Variants in TMC1 observed in about 807,000 individuals in gnomAD.
The protein encoded by TMC1 is transmembrane channel-like protein 1.
TMC1 carries 84 observed loss-of-function variants against 105.8 expected under a neutral mutation model. The ratio of observed to expected loss-of-function variants is 0.79; its 90% confidence interval spans 0.67 to 0.95. The LOEUF (loss-of-function observed/expected upper bound fraction) is 0.95. Ranked by LOEUF, TMC1 falls within the 40% of genes least tolerant of loss-of-function variation. The pLI, the probability that TMC1 is intolerant of heterozygous loss-of-function variation, is 0.00. For synonymous variants in TMC1, 315 were observed against 311.5 expected (o/e 1.01, Z -0.12); for missense variants, 817 against 914.1 (o/e 0.89, Z 1.37).
intron 19 of TMC1, 108 bp from the exon 20 acceptor site, chr9:72,820,734 G>T (rs1828854724): frequency 7.2e-7 from 1 of 1,380,300 alleles, no homozygotes; most frequent in Non-Finnish European, 1.0e-6. Flanking sequence ...AAGTGGCAGT[G>T]TATTTTCTGC....
chr9:72,738,879 C>T (rs1827342868), intron 8 of TMC1, among the ~76,000 whole-genome samples: 1 of 152,158 alleles, frequency 6.6e-6, no homozygotes, highest in African/African-American at 2.4e-5. Flanking sequence ...TTATCTGTTT[C>T]TATCATGACA....
rs1824982018 is a variant in TMC1, at chr9:72,609,224, C to T, written c.-305-7144C>T. 2.2e-5 allele frequency among the ~76,000 whole-genome samples: 3 copies of T among 136,636 alleles called. No individual in the cohort carries two copies. In the South Asian group the frequency reaches 6.6e-4, roughly 30 times the overall value. The allele number at this position is 136,636 out of a possible 152,430, so 89.6% of individuals were successfully genotyped here. ...TCCTTCCTTCCTTCCTTCCTTCCTT[C>T]CTTCCTTTTTGCTATTAAAAATTCC... is the stretch of plus-strand genomic sequence containing the variant. On this transcript the variant is annotated intron_variant, in intron 2 of 23. Coordinates refer to ENST00000297784, the MANE Select transcript of TMC1 (RefSeq NM_138691.3).
intron 23 of TMC1, 128 bp downstream of exon 23, chr9:72,830,810 A>T (rs1829031589): frequency 1.2e-6 from 1 of 801,614 alleles, no homozygotes. Flanking sequence ...GTCATTCCAC[A>T]ATCCTTACCT....
At chr9:72,778,403 G>A (rs1299426186) in intron 13 of TMC1, among the ~76,000 whole-genome samples, 2 of 152,132 alleles carry the variant, frequency 1.3e-5, no homozygotes, top group African/African-American at 4.8e-5. Flanking sequence ...TCCTGGCTCC[G>A]AGTGTCTCCT....
At chr9:72,616,037 C>T (rs955390729) in intron 2 of TMC1, among the ~76,000 whole-genome samples, 3 of 152,116 alleles carry the variant, frequency 2.0e-5, no homozygotes, top group Non-Finnish European at 4.4e-5. Context: ...CGTGAGCCAC[C>T]GTGCCCGCTA....
At chr9:72,746,506 G>A in intron 10 of TMC1, among the ~76,000 whole-genome samples, 1 of 152,136 alleles carries the variant, frequency 6.6e-6, no homozygotes, top group East Asian at 1.9e-4. Flanking sequence ...ATTCCCAACA[G>A]CCTTTCTAAT....
intron 1 of TMC1, among the ~76,000 whole-genome samples, chr9:72,546,514 G>C (rs1187308770): frequency 2.0e-5 from 3 of 152,126 alleles, no homozygotes; most frequent in Non-Finnish European, 4.4e-5. Context: ...TTTTGTTATT[G>C]CTGCTGGCTG....
intron 3 of TMC1, among the ~76,000 whole-genome samples, chr9:72,626,080 A>G (rs190434969): frequency 2.0e-5 from 3 of 152,286 alleles, no homozygotes; most frequent in Admixed American, 2.0e-4. Flanking sequence ...TTGGAGTTCA[A>G]GCCCCCAGCT....
intron 7 of TMC1, among the ~76,000 whole-genome samples, chr9:72,699,180 T>C (rs989882344): frequency 1.3e-5 from 2 of 152,142 alleles, no homozygotes; most frequent in Non-Finnish European, 2.9e-5. Context: ...CGATTTAAAA[T>C]TATGTTGCTC....
chr9:72,757,736 C>T (rs1016709167), intron 12 of TMC1, among the ~76,000 whole-genome samples: 8 of 152,120 alleles, frequency 5.3e-5, no homozygotes, highest in Non-Finnish European at 1.0e-4. Flanking sequence ...GGCATCATAT[C>T]GGTGCTCGAA....
At position 72,539,688 on chromosome 9, in the gene TMC1, T is replaced by C. The variant is rs576718483; in HGVS notation, c.-428+17775T>C. On this transcript the variant is annotated intron_variant, in intron 1 of 23. Transcript: ENST00000297784. ...AACTTTCCCTCATCTGCCTGTCTTC[T>C]TCTGAGCCCTCCAGGTTCTTCCAAC... 1.5e-3 allele frequency among the ~76,000 whole-genome samples: 223 copies of C among 152,348 alleles called. 1 individual carries two copies. The highest frequency in any genetic ancestry group is 2.5e-3 in the Non-Finnish European group (168 of 68,026).
intron 7 of TMC1, among the ~76,000 whole-genome samples, chr9:72,699,057 A>G (rs1826598386): frequency 1.3e-5 from 2 of 152,192 alleles, no homozygotes; most frequent in Non-Finnish European, 2.9e-5. Context: ...TACCAGCCCC[A>G]GCACCACAAT....
Position 72,788,470 on chromosome 9 carries a change from C to T in TMC1, c.1016C>T (p.Thr339Ile). ...GCAGACAACAAATTTAATTCTATCA[C>T]AATGAACTTTAAGGTAGAGGCACCA... The part of the protein sequence containing the change: ...ETADNKFNSI[T>I]MNFKEAITEE... Residue 339 changes from threonine (T) to isoleucine (I), a missense_variant, in exon 14 of 24, where the codon ACA (threonine) becomes ATA (isoleucine). By Grantham distance (89) the Thr-to-Ile change is moderately conservative. Coordinates refer to ENST00000297784, the MANE Select transcript of TMC1 (RefSeq NM_138691.3). 6.2e-7 allele frequency: 1 copy of T among 1,613,974 alleles called. No homozygotes were observed. The highest frequency in any genetic ancestry group is 8.5e-7 in the Non-Finnish European group (1 of 1,179,892).
chr9:72,825,480 C>T (rs1404865792), intron 20 of TMC1, among the ~76,000 whole-genome samples: 1 of 152,128 alleles, frequency 6.6e-6, no homozygotes, highest in Non-Finnish European at 1.5e-5. Context: ...AAGACCTGAC[C>T]TGAAAAAGGT....
At chr9:72,576,633 C>CTTT (rs56821184) in intron 1 of TMC1, among the ~76,000 whole-genome samples, 1 of 113,542 alleles carries the variant, frequency 8.8e-6, no homozygotes, top group African/African-American at 3.3e-5. Flanking sequence ...TTTTTTTTTT[C>CTTT]TTTTTTTTTT....
intron 2 of TMC1, among the ~76,000 whole-genome samples, chr9:72,606,018 G>T (rs1423322794): frequency 6.6e-6 from 1 of 152,132 alleles, no homozygotes; most frequent in African/African-American, 2.4e-5. Context: ...ATCTGCAAAT[G>T]CCTCCACATT....
intron 12 of TMC1, among the ~76,000 whole-genome samples, chr9:72,766,879 C>T (rs968223632): frequency 2.0e-5 from 3 of 152,208 alleles, no homozygotes; most frequent in African/African-American, 7.2e-5. Context: ...CAGAGATGAG[C>T]AAAGTATTAG....
chr9:72,710,495 A>C (rs1329641155), intron 8 of TMC1, among the ~76,000 whole-genome samples: 1 of 152,160 alleles, frequency 6.6e-6, no homozygotes, highest in Non-Finnish European at 1.5e-5. Flanking sequence ...TCTGAGGTCT[A>C]GTAGTAATTG....
chr9:72,553,682 G>A (rs1452785396), intron 1 of TMC1, among the ~76,000 whole-genome samples: 1 of 152,062 alleles, frequency 6.6e-6, no homozygotes, highest in Non-Finnish European at 1.5e-5. Context: ...GTATTAACAG[G>A]TGAGAAGTGG....
Sources: gnomAD v4.1 joint callset for allele counts (sites outside exome capture counted in the v4.1 genomes callset) on GRCh38, gnomAD v4.1.1 for gene constraint, MANE v1.5 for transcripts, NCBI Gene and HGNC (gene_info 2026-07-23, HGNC 2026-07-21) for gene names.